GHRHR: variants seen among roughly 807,000 people sequenced by gnomAD.
GHRHR encodes growth hormone-releasing hormone receptor.
In GHRHR, 40 loss-of-function variants were observed where a neutral mutation model predicts 58.3. That is an observed-to-expected ratio of 0.69 (90% CI 0.53 to 0.89). The LOEUF is 0.89. Among genes scored for constraint, GHRHR ranks in the 40% least tolerant of loss-of-function variants. GHRHR has a pLI of 0.00. For missense variants in GHRHR, 551 were observed against 541.3 expected, an observed-to-expected ratio of 1.02 and a Z score of -0.18; for synonymous variants, 249 against 216.6, an observed-to-expected ratio of 1.15 and a Z score of -1.31.
At position 30,979,156 on chromosome 7, in the gene GHRHR, A is replaced by C; in HGVS notation, c.1184A>C (p.Asp395Ala). The C allele has an allele frequency of 6.2e-7, 1 of 1,613,558 alleles. No homozygotes were observed. Among genetic ancestry groups the C allele is most frequent in the Non-Finnish European group, 8.5e-7 (1 of 1,179,512 alleles). The change falls in exon 13 of 13, where the codon GAC becomes GCC. Residue 395 changes from aspartate to alanine, a missense_variant. Asp to Ala is a moderately radical substitution (Grantham distance 126). Coordinates refer to ENST00000326139, the MANE Select transcript of GHRHR (RefSeq NM_000823.4). ...TEISRKWHGHDPELLPAWRTR... is the reference protein window; with the variant it reads ...TEISRKWHGHAPELLPAWRTR... ...ATCTCACGGAAGTGGCATGGCCATG[A>C]CCCTGAGCTTCTGCCAGCCTGGAGG...
intron 10 of GHRHR, among the ~76,000 whole-genome samples, 183 bp from the exon 11 acceptor site, chr7:30,976,246 G>T (rs1792582099): frequency 6.6e-6 from 1 of 152,168 alleles, no homozygotes; most frequent in Admixed American, 6.5e-5. Context: ...GTTGGTAGGG[G>T]AATCAGCAGG....
At chr7:30,969,621 C>T (rs1156673293) in intron 3 of GHRHR, 1 of 612,190 alleles carries the variant, frequency 1.6e-6, no homozygotes, top group Admixed American at 2.8e-5. Context: ...CACCACTCCT[C>T]ACCCCTCAGG....
Position 30,969,068 on chromosome 7 carries a change from C to T in GHRHR, c.166C>T (p.Pro56Ser). The change falls in exon 3 of 13, where the codon CCT (proline) becomes TCT (serine). Residue 56 changes from proline to serine, a missense_variant. Transcript: ENST00000326139. ...GCTCCTGGCTCTCTATCCAGGCTGC[C>T]CTGCGACCTGGGATGGGCTGCTGTG... ...EEMPNTTLGCPATWDGLLCWP... is the reference protein window; with the variant it reads ...EEMPNTTLGCSATWDGLLCWP... 4 of 1,578,786 alleles carry T rather than the reference C, an allele frequency of 2.5e-6. No individual in the cohort carries two copies. The highest frequency in any genetic ancestry group is 2.6e-6 in the Non-Finnish European group (3 of 1,161,574).
intron 1 of GHRHR, among the ~76,000 whole-genome samples, chr7:30,964,697 G>A (rs918933878): frequency 1.3e-5 from 2 of 152,156 alleles, no homozygotes; most frequent in African/African-American, 4.8e-5. Context: ...CCAGCACTTA[G>A]GGGATCCATC....
In GHRHR at chr7:30,969,843, TAG is replaced by T. The variant is rs759669888; in HGVS notation, c.269-19_269-18del. On this transcript the variant is annotated intron_variant, in intron 3 of 12. Transcript: ENST00000326139. The stretch of plus-strand genomic sequence containing the variant: ...CTGGGGAGAGGGAAGGAGTTGTGGC[TAG>T]AGAGTCTTGCTTGCCTCCCAGGGGC... 5.0e-6 allele frequency: 8 copies of T among 1,612,856 alleles called. No homozygotes were observed. The East Asian group carries it at 8.9e-5, about 18-fold the overall frequency.
At chr7:30,965,698 GCCCTGAAAAGTTT>G (rs1200431330) in intron 1 of GHRHR, among the ~76,000 whole-genome samples, 1 of 152,174 alleles carries the variant, frequency 6.6e-6, no homozygotes, top group African/African-American at 2.4e-5. Context: ...CCCCAAATTG[GCCCTGAAAAGTTT>G]CCCAGGCAGG....
At chr7:30,974,603 G>A (rs538151005) in intron 8 of GHRHR, 114 bp downstream of exon 8, 2 of 804,250 alleles carry the variant, frequency 2.5e-6, no homozygotes, top group South Asian at 1.4e-5. Flanking sequence ...GGGACTGCCC[G>A]GCTAGGATGG....
Position 30,968,823 on chromosome 7 carries a change from G to C in GHRHR, c.58-11G>C, listed in dbSNP as rs1792413080. The C allele has an allele frequency of 2.5e-6, 4 of 1,602,408 alleles. No individual in the cohort carries two copies. Among genetic ancestry groups the C allele is most frequent in the East Asian group, 2.2e-5 (1 of 44,826 alleles). On this transcript the variant is annotated splice_polypyrimidine_tract_variant and intron_variant, in intron 1 of 12. Coordinates refer to ENST00000326139, the MANE Select transcript of GHRHR (RefSeq NM_000823.4). ...AATGGCTTGGCTCATCCTGTTCACT[G>C]TTTCCAGCAGGTATTGGGCCACATG...
intron 1 of GHRHR, among the ~76,000 whole-genome samples, chr7:30,966,286 T>A (rs1005559451): frequency 1.3e-5 from 2 of 151,974 alleles, no homozygotes; most frequent in Non-Finnish European, 1.5e-5. Context: ...CCAGCCCTGG[T>A]CTTACATCTG....
In GHRHR at chr7:30,979,188, G is replaced by A. The variant is rs141571507; in HGVS notation, c.1216G>A (p.Ala406Thr). 1.2e-6 allele frequency: 2 copies of A among 1,613,916 alleles called. No homozygotes were observed. The highest frequency in any genetic ancestry group is 1.7e-6 in the Non-Finnish European group (2 of 1,179,882). ...GCTTCTGCCAGCCTGGAGGACCCGT[G>A]CTAAGTGGACCACGCCTTCCCGCTC... ...PELLPAWRTR[A>T]KWTTPSRSAA... Residue 406 changes from alanine to threonine, a missense_variant, in exon 13 of 13, where the codon GCT becomes ACT. Coordinates refer to ENST00000326139, the MANE Select transcript of GHRHR (RefSeq NM_000823.4).
At chr7:30,972,217 C>A in intron 6 of GHRHR, 122 bp downstream of exon 6, 1 of 998,426 alleles carries the variant, frequency 1.0e-6, no homozygotes, top group Non-Finnish European at 1.5e-6. Context: ...CCCGCATGGC[C>A]AATTACAGAA....
At chr7:30,970,965 A>G (rs929316697) in intron 4 of GHRHR, 154 bp from the exon 5 acceptor site, 15 of 692,190 alleles carry the variant, frequency 2.2e-5, no homozygotes, top group Non-Finnish European at 4.0e-5. Context: ...TCCAGTGCAC[A>G]GGGGGAGCTT....
intron 5 of GHRHR, 120 bp from the exon 6 acceptor site, chr7:30,971,843 C>G: frequency 1.1e-6 from 1 of 900,250 alleles, no homozygotes; most frequent in Non-Finnish European, 1.9e-6. Flanking sequence ...CAATTCAATT[C>G]AGTTTGATTG....
intron 10 of GHRHR, 101 bp from the exon 11 acceptor site, chr7:30,976,328 C>A: frequency 9.0e-7 from 1 of 1,107,140 alleles, no homozygotes; most frequent in Non-Finnish European, 1.4e-6. Flanking sequence ...GGCTGTTCCA[C>A]AGAGTGGATA....
intron 3 of GHRHR, chr7:30,969,409 C>A: frequency 1.6e-6 from 1 of 606,198 alleles, no homozygotes. Flanking sequence ...AGTGCTGGAC[C>A]TGGATGCCCT....
At chr7:30,972,130 G>C (rs776003921) in intron 6 of GHRHR, 35 bp downstream of exon 6, 1 of 1,611,676 alleles carries the variant, frequency 6.2e-7, no homozygotes, top group East Asian at 2.2e-5. Flanking sequence ...GGGCAGGTGG[G>C]GGAGAGAGGA....
At chr7:30,978,827 A>G (rs1003921819) in intron 12 of GHRHR, among the ~76,000 whole-genome samples, 1 of 152,210 alleles carries the variant, frequency 6.6e-6, no homozygotes, top group East Asian at 1.9e-4. Context: ...CAGGGTGGTT[A>G]TTTGGCCAGG....
chr7:30,975,000 A>G lies in GHRHR; in HGVS notation c.842A>G (p.Tyr281Cys), dbSNP rs770780823. 3.1e-6 allele frequency: 5 copies of G among 1,612,946 alleles called. No individual in the cohort carries two copies. The highest frequency in any genetic ancestry group is 4.2e-6 in the Non-Finnish European group (5 of 1,179,094). The change falls in exon 9 of 13, where the codon TAC (tyrosine) becomes TGC (cysteine). Residue 281 changes from tyrosine (Y) to cysteine (C), a missense_variant. Physicochemically the swap from Tyr to Cys is radical, Grantham distance 194. Coordinates refer to ENST00000326139, the MANE Select transcript of GHRHR (RefSeq NM_000823.4). ...ACWDLDDTSP[Y>C]WWIIKGPIVL... The stretch of plus-strand genomic sequence containing the variant: ...TGGGACCTGGACGACACCTCCCCCT[A>G]CTGGTGGATCATCAAAGGGCCCATT...
At chr7:30,965,869 C>T (rs540747608) in intron 1 of GHRHR, among the ~76,000 whole-genome samples, 46 of 152,310 alleles carry the variant, frequency 3.0e-4, no homozygotes, top group East Asian at 3.9e-4. Flanking sequence ...CCGCTTTGTG[C>T]GCTCAGTCTG....
Sources: gnomAD v4.1 joint callset for allele counts (sites outside exome capture counted in the v4.1 genomes callset) on GRCh38, gnomAD v4.1.1 for gene constraint, MANE v1.5 for transcripts, NCBI Gene and HGNC (gene_info 2026-07-23, HGNC 2026-07-21) for gene names.